Variants in UGT1A10 observed in about 807,000 individuals in gnomAD.
The protein encoded by UGT1A10 is UDP-glucuronosyltransferase 1A10.
Under a neutral mutation model 45.8 loss-of-function variants are expected in UGT1A10, and 49 were observed. That is an observed-to-expected ratio of 1.07 (90% CI 0.85 to 1.36). UGT1A10 has a LOEUF of 1.36. Among genes scored for constraint, UGT1A10 ranks in the 40% most tolerant of loss-of-function variants. The pLI is 0.00. For synonymous variants in UGT1A10, 284 were observed against 249.7 expected, an observed-to-expected ratio of 1.14 and a Z score of -1.29; for missense variants, 745 against 668.6, an observed-to-expected ratio of 1.11 and a Z score of -1.26.
chr2:233,646,616 G>T (rs986736292), intron 1 of UGT1A10, among the ~76,000 whole-genome samples: 31 of 149,306 alleles, frequency 2.1e-4, no homozygotes, highest in Non-Finnish European at 2.6e-4. Context: ...AATGCTGCCA[G>T]TCTCTTTGCT....
intron 1 of UGT1A10, among the ~76,000 whole-genome samples, chr2:233,757,478 C>G (rs1489873843): frequency 4.1e-5 from 6 of 146,266 alleles, no homozygotes; most frequent in Non-Finnish European, 1.5e-5. Flanking sequence ...TCTCCAAAAC[C>G]ATGGACTGGC....
At chr2:233,642,079 C>T (rs2073468110) in intron 1 of UGT1A10, among the ~76,000 whole-genome samples, 2 of 151,994 alleles carry the variant, frequency 1.3e-5, no homozygotes, top group Admixed American at 6.6e-5. Context: ...TGTTATTATC[C>T]CTTTGAATAA....
At chr2:233,759,581 G>A (rs1697180205) in intron 1 of UGT1A10, among the ~76,000 whole-genome samples, 2 of 151,312 alleles carry the variant, frequency 1.3e-5, no homozygotes, top group Admixed American at 6.6e-5. Context: ...CTCTACCCCA[G>A]CACGCCCCCC....
intron 1 of UGT1A10, chr2:233,747,084 A>G: frequency 8.6e-7 from 1 of 1,158,212 alleles, no homozygotes; most frequent in Non-Finnish European, 1.2e-6. Flanking sequence ...AACTAGGAGG[A>G]GAGCACTCTA....
intron 1 of UGT1A10, among the ~76,000 whole-genome samples, chr2:233,709,354 A>G (rs1369898370): frequency 6.6e-6 from 1 of 152,210 alleles, no homozygotes; most frequent in African/African-American, 2.4e-5. Flanking sequence ...CTATTACTAT[A>G]TAGATTTTTC....
chr2:233,695,554 A>T (rs1000632787), intron 1 of UGT1A10, among the ~76,000 whole-genome samples: 1 of 151,596 alleles, frequency 6.6e-6, no homozygotes, highest in African/African-American at 2.4e-5. Context: ...AATTTTAACC[A>T]ACCATTTTCA....
chr2:233,718,782 C>T lies in UGT1A10; in HGVS notation c.856-48252C>T, dbSNP rs199517966. On this transcript the variant is annotated intron_variant, in intron 1 of 4. Coordinates refer to ENST00000344644, the MANE Select transcript of UGT1A10 (RefSeq NM_019075.4). ...AAGGAAACAAATGTAGCAGGCACAGCGTGGGGTGGACAGTCAGCTGTCGGT... is the reference window on the plus strand; with the variant it reads ...AAGGAAACAAATGTAGCAGGCACAGTGTGGGGTGGACAGTCAGCTGTCGGT... 246 of 1,612,936 alleles carry T rather than the reference C, an allele frequency of 1.5e-4. No individual in the cohort carries two copies. The East Asian group carries it at 2.9e-3, about 19-fold the overall frequency.
At chr2:233,760,524 C>A in intron 1 of UGT1A10, 1 of 1,614,240 alleles carries the variant, frequency 6.2e-7, no homozygotes, top group Non-Finnish European at 8.5e-7. Context: ...TGAAGACGTA[C>A]CCTGTGCCAT....
chr2:233,720,440 T>C (rs2076859739), intron 1 of UGT1A10, among the ~76,000 whole-genome samples: 1 of 152,036 alleles, frequency 6.6e-6, no homozygotes, highest in Non-Finnish European at 1.5e-5. Flanking sequence ...CGTGAATCTA[T>C]AAGCCCAGTG....
At chr2:233,741,418 C>T (rs1400059458) in intron 1 of UGT1A10, 1 of 151,750 alleles carries the variant, frequency 6.6e-6, no homozygotes, top group Non-Finnish European at 1.5e-5. Context: ...TGAACTGCTC[C>T]AAAAGCAAAC....
intron 1 of UGT1A10, chr2:233,719,737 T>A: frequency 6.2e-7 from 1 of 1,613,180 alleles, no homozygotes; most frequent in Non-Finnish European, 8.5e-7. Context: ...AAACACTTTT[T>A]AAAAAATGTA....
intron 1 of UGT1A10, among the ~76,000 whole-genome samples, chr2:233,650,117 C>T (rs1425261592): frequency 3.9e-5 from 6 of 152,116 alleles, no homozygotes; most frequent in Admixed American, 3.9e-4. Flanking sequence ...ATTATAGGCA[C>T]ATGCCACCAC....
chr2:233,760,654 C>T (rs1222597079), intron 1 of UGT1A10: 1 of 1,614,218 alleles, frequency 6.2e-7, no homozygotes, highest in Non-Finnish European at 8.5e-7. Context: ...CTCTGCTATG[C>T]TTTTGTCTGG....
At chr2:233,738,077 A>T (rs1287862175) in intron 1 of UGT1A10, among the ~76,000 whole-genome samples, 1 of 152,120 alleles carries the variant, frequency 6.6e-6, no homozygotes, top group Non-Finnish European at 1.5e-5. Context: ...CCACCTCCTA[A>T]TCTCATCATA....
intron 1 of UGT1A10, among the ~76,000 whole-genome samples, chr2:233,665,833 T>C (rs1435516081): frequency 6.6e-6 from 1 of 152,158 alleles, no homozygotes; most frequent in Non-Finnish European, 1.5e-5. Flanking sequence ...ATGGTAGGTG[T>C]ATGGTTACCT....
At chr2:233,724,757 G>A (rs2077306288) in intron 1 of UGT1A10, among the ~76,000 whole-genome samples, 1 of 143,864 alleles carries the variant, frequency 7.0e-6, no homozygotes, top group Non-Finnish European at 1.5e-5. Context: ...CCAGACGATG[G>A]GCGGCCAGGC....
chr2:233,657,284 C>G (rs1464308978), intron 1 of UGT1A10, among the ~76,000 whole-genome samples: 1 of 151,832 alleles, frequency 6.6e-6, no homozygotes, highest in African/African-American at 2.4e-5. Flanking sequence ...TAAAGGAATA[C>G]CTGGGGCTGG....
intron 1 of UGT1A10, among the ~76,000 whole-genome samples, chr2:233,740,479 C>T (rs1387993286): frequency 6.6e-6 from 1 of 151,850 alleles, no homozygotes; most frequent in East Asian, 1.9e-4. Context: ...AGGATCATTC[C>T]CTCTTCCAGA....
intron 1 of UGT1A10, chr2:233,729,592 C>G (rs1253832448): frequency 6.2e-7 from 1 of 1,613,966 alleles, no homozygotes; most frequent in African/African-American, 1.3e-5. Context: ...CCCCGTTAAC[C>G]TCTGCGCGGC....
Sources: gnomAD v4.1 joint callset for allele counts (sites outside exome capture counted in the v4.1 genomes callset) on GRCh38, gnomAD v4.1.1 for gene constraint, MANE v1.5 for transcripts, NCBI Gene and HGNC (gene_info 2026-07-23, HGNC 2026-07-21) for gene names.